The following CST7 variants were observed in gnomAD, a reference collection of about 807,000 sequenced individuals.
CST7 encodes cystatin F.
A neutral mutation model predicts 13.1 loss-of-function variants in CST7; 15 were observed. That is an observed-to-expected ratio of 1.14 (90% CI 0.77 to 1.76). The LOEUF (loss-of-function observed/expected upper bound fraction) is 1.76, where lower values mean the gene tolerates loss of function less well. CST7 is among the 40% of genes most tolerant of loss of function. The pLI, the probability that CST7 is intolerant of heterozygous loss-of-function variation, is 0.00. For synonymous variants in CST7, 75 were observed against 66.9 expected (o/e 1.12, Z -0.59); for missense variants, 193 against 178.8 (o/e 1.08, Z -0.45).
intron 1 of CST7, among the ~76,000 whole-genome samples, chr20:24,950,354 A>T (rs2087811556): frequency 6.6e-6 from 1 of 152,194 alleles, no homozygotes; most frequent in Non-Finnish European, 1.5e-5. Context: ...GAGCCTGGCC[A>T]AAGGGGCCCA....
intron 1 of CST7, among the ~76,000 whole-genome samples, chr20:24,955,423 T>G (rs1391729007): frequency 6.6e-6 from 1 of 151,886 alleles, no homozygotes; most frequent in East Asian, 1.9e-4. Flanking sequence ...GCGGTTTCTA[T>G]TCCATCTTCA....
chr20:24,958,880 GCCCTCCCTC>G, intron 2 of CST7, 39 bp from the exon 3 acceptor site: 2 of 1,396,734 alleles, frequency 1.4e-6, no homozygotes, highest in African/African-American at 2.8e-5. Context: ...GGAGAAGCCT[GCCCTCCCTC>G]CCCTGTGCCC....
Position 24,957,274 on chromosome 20 carries a change from T to C in CST7, c.71-13T>C. On this transcript the variant is annotated splice_polypyrimidine_tract_variant and intron_variant, in intron 1 of 3. Transcript: ENST00000480798. ...AACATCAGTGTTCTTGTCTGGCTCTTTGTCTCTTTCAGATACTTGTTCCCA... is the reference window on the plus strand; with the variant it reads ...AACATCAGTGTTCTTGTCTGGCTCTCTGTCTCTTTCAGATACTTGTTCCCA... 6.2e-7 allele frequency: 1 copy of C among 1,610,254 alleles called. No homozygotes were observed. The highest frequency in any genetic ancestry group is 8.5e-7 in the Non-Finnish European group (1 of 1,178,190).
chr20:24,953,276 T>C (rs1379721832), intron 1 of CST7, among the ~76,000 whole-genome samples: 1 of 152,096 alleles, frequency 6.6e-6, no homozygotes, highest in East Asian at 1.9e-4. Context: ...GAAACTCAAA[T>C]CCATCTCCCC....
At chr20:24,954,639 T>C (rs966246130) in intron 1 of CST7, among the ~76,000 whole-genome samples, 43 of 152,246 alleles carry the variant, frequency 2.8e-4, no homozygotes, top group Non-Finnish European at 5.6e-4. Context: ...GAAAGGTTTA[T>C]TGACTTGAAG....
chr20:24,958,615 G>T (rs867523964), intron 2 of CST7, among the ~76,000 whole-genome samples: 11 of 152,330 alleles, frequency 7.2e-5, no homozygotes, highest in Admixed American at 5.2e-4. Context: ...TCATGGGGCT[G>T]GAGTGAGGGC....
At chr20:24,950,321 C>A (rs2087811451) in intron 1 of CST7, among the ~76,000 whole-genome samples, 1 of 152,206 alleles carries the variant, frequency 6.6e-6, no homozygotes, top group African/African-American at 2.4e-5. Flanking sequence ...CCCCACCCAG[C>A]AGACAGGGAC....
intron 1 of CST7, among the ~76,000 whole-genome samples, chr20:24,955,037 AAAC>A (rs796600513): frequency 1.7e-4 from 17 of 97,786 alleles, no homozygotes; most frequent in South Asian, 1.3e-3. Flanking sequence ...AAAGAAAGCA[AAAC>A]AACAACAACA....
intron 1 of CST7, 99 bp downstream of exon 1, chr20:24,949,674 C>G (rs2087808173): frequency 6.8e-7 from 1 of 1,476,420 alleles, no homozygotes; most frequent in South Asian, 1.3e-5. Flanking sequence ...TAGCTTGGAG[C>G]CCCCACAGGA....
chr20:24,957,585 G>C, intron 2 of CST7, 126 bp downstream of exon 2: 1 of 929,684 alleles, frequency 1.1e-6, no homozygotes, highest in Non-Finnish European at 1.6e-6. Context: ...GCTCTGAGCA[G>C]AAAGCAGATG....
At position 24,959,686 on chromosome 20, in the gene CST7, G is replaced by C. The variant is rs149366656; in HGVS notation, c.412G>C (p.Glu138Gln). 3 of 1,613,916 alleles carry C rather than the reference G, an allele frequency of 1.9e-6. No homozygotes were observed. The highest frequency in any genetic ancestry group is 1.7e-6 in the Non-Finnish European group (2 of 1,180,016). The change falls in exon 4 of 4, where the codon GAG becomes CAG. Residue 138 changes from glutamate to glutamine, a missense_variant. Physicochemically the swap from Glu to Gln is conservative, Grantham distance 29 (BLOSUM62 2). Coordinates refer to ENST00000480798, the MANE Select transcript of CST7 (RefSeq NM_003650.4). The stretch of plus-strand genomic sequence containing the variant: ...GGTCGTGCCCTGGCTCCAGCACTTC[G>C]AGGTGCCTGTTCTCCGTTGTCACTG... ...VWVVPWLQHF[E>Q]VPVLRCH
intron 1 of CST7, among the ~76,000 whole-genome samples, chr20:24,952,642 C>G (rs949870433): frequency 3.3e-5 from 5 of 152,220 alleles, no homozygotes; most frequent in African/African-American, 1.2e-4. Flanking sequence ...AGACCTTATG[C>G]TCTGGGTGAT....
rs1316504532 is a variant in CST7 at position 24,959,628 on chromosome 20, G to C, written c.361-7G>C. On this transcript the variant is annotated splice_polypyrimidine_tract_variant and splice_region_variant and intron_variant, in intron 3 of 3. Transcript: ENST00000480798. ...TAAGCTCTCAGGTGTGCCCTTCTCT[G>C]TTTCAGACTCTGAGCTGCTACTCTG... 1 of 1,614,076 alleles carries C rather than the reference G, an allele frequency of 6.2e-7. No individual in the cohort carries two copies. The highest frequency in any genetic ancestry group is 8.5e-7 in the Non-Finnish European group (1 of 1,179,962).
At chr20:24,955,777 G>A (rs1421911300) in intron 1 of CST7, among the ~76,000 whole-genome samples, 1 of 152,178 alleles carries the variant, frequency 6.6e-6, no homozygotes, top group African/African-American at 2.4e-5. Flanking sequence ...AGTTTCAGGG[G>A]GGATGTGTGT....
chr20:24,955,103 C>T (rs1170095833), intron 1 of CST7, among the ~76,000 whole-genome samples: 1 of 152,078 alleles, frequency 6.6e-6, no homozygotes, highest in Non-Finnish European at 1.5e-5. Flanking sequence ...ACACATGCTA[C>T]CCCTTCCATA....
Position 24,949,303 on chromosome 20 carries a change from G to T in CST7, c.-203G>T. The T allele has an allele frequency of 6.8e-7, 1 of 1,474,504 alleles. No homozygotes were observed. The highest frequency in any genetic ancestry group is 9.1e-7 in the Non-Finnish European group (1 of 1,100,940). The allele number at this position is 1,474,504 out of a possible 1,614,324, so 91.3% of individuals were successfully genotyped here. Reference sequence around the variant, plus strand: ...TGCTGCCCAAGAAGGCTCAGCACAGGCACAAACCATTGCCCGGCACTGGCC... The same window carrying T: ...TGCTGCCCAAGAAGGCTCAGCACAGTCACAAACCATTGCCCGGCACTGGCC... On this transcript the variant is annotated 5_prime_UTR_variant, in exon 1 of 4. Coordinates refer to ENST00000480798, the MANE Select transcript of CST7 (RefSeq NM_003650.4).
In CST7 at chr20:24,955,593, G is replaced by C. The variant is rs373106180; in HGVS notation, c.71-1694G>C. The stretch of plus-strand genomic sequence containing the variant: ...TCCTCCCGAGTACCTGGGACTACAG[G>C]TGCCCGCCACCATGTCCAGCTAATT... On this transcript the variant is annotated intron_variant, in intron 1 of 3. Transcript: ENST00000480798. Among the ~76,000 whole-genome samples the C allele has an allele frequency of 3.6e-3, 545 of 152,198 alleles. 5 individuals are homozygous for C. The highest frequency in any genetic ancestry group is 0.013 in the African/African-American group (528 of 41,522).
intron 3 of CST7, among the ~76,000 whole-genome samples, chr20:24,959,300 C>T (rs893498144): frequency 2.0e-5 from 3 of 151,146 alleles, no homozygotes; most frequent in Non-Finnish European, 3.0e-5. Context: ...TCCTGGGGTG[C>T]GAGTGGAGAG....
intron 1 of CST7, among the ~76,000 whole-genome samples, chr20:24,950,972 A>G (rs1223394051): frequency 1.3e-5 from 2 of 152,130 alleles, no homozygotes; most frequent in African/African-American, 4.8e-5. Context: ...AATTAAACCT[A>G]CTGACTGCTG....
Sources: allele counts gnomAD v4.1 joint callset (sites outside exome capture counted in the v4.1 genomes callset), GRCh38; gene constraint gnomAD v4.1.1; transcripts MANE v1.5; gene names NCBI Gene and HGNC (gene_info 2026-07-23, HGNC 2026-07-21).